The following MARCHF1 variants were observed in gnomAD, a reference collection of about 807,000 sequenced individuals.
MARCHF1 encodes the protein membrane associated ring-CH-type finger 1, also known as E3 ubiquitin-protein ligase MARCHF1.
MARCHF1 carries 40 observed loss-of-function variants against 54.2 expected under a neutral mutation model. The ratio of observed to expected loss-of-function variants is 0.74; its 90% CI spans 0.57 to 0.96. The LOEUF (loss-of-function observed/expected upper bound fraction) is 0.96, where lower values mean the gene tolerates loss of function less well. Among genes scored for constraint, MARCHF1 ranks in the 40% least tolerant of loss-of-function variants. The pLI, the probability that MARCHF1 is intolerant of heterozygous loss-of-function variation, is 0.00. For synonymous variants in MARCHF1, 236 were observed against 236.3 expected (o/e 1.00, Z 0.01); for missense variants, 586 against 656.5 (o/e 0.89, Z 1.17).
Position 164,189,503 on chromosome 4 carries a change from A to T in MARCHF1, c.-322-77841T>A, listed in dbSNP as rs1731066833. On this transcript the variant is annotated intron_variant, in intron 1 of 9. Coordinates refer to ENST00000514618, the MANE Select transcript of MARCHF1 (RefSeq NM_001394959.1). The stretch of plus-strand genomic sequence containing the variant: ...CCAAAGATTCAGCAACTGGTTAAAA[A>T]GTCCTTCAATGGCAAGGAGTCCTCC... 8.1e-6 allele frequency: 6 copies of T among 742,334 alleles called. No homozygotes were observed. The Admixed American group carries it at 1.2e-4, about 15-fold the overall frequency. The allele number at this position is 742,334 out of a possible 1,614,324, so 46.0% of individuals were successfully genotyped here.
chr4:163,652,839 C>A (rs529501076), intron 5 of MARCHF1, among the ~76,000 whole-genome samples: 74 of 151,846 alleles, frequency 4.9e-4, no homozygotes, highest in Non-Finnish European at 7.2e-4. Context: ...GCCTGAAGTC[C>A]AAATGTGTTA....
At chr4:163,779,161 G>A (rs1747390577) in intron 4 of MARCHF1, among the ~76,000 whole-genome samples, 1 of 152,064 alleles carries the variant, frequency 6.6e-6, no homozygotes, top group South Asian at 2.1e-4. Context: ...CTATGCTGGT[G>A]CTTTTTACTA....
chr4:163,861,708 A>G (rs569700180), intron 3 of MARCHF1, among the ~76,000 whole-genome samples: 7 of 152,198 alleles, frequency 4.6e-5, no homozygotes, highest in East Asian at 1.9e-4. Context: ...AAAGTATTTT[A>G]TAGATAGTGA....
At chr4:164,285,172 T>C (rs1219507103) in intron 1 of MARCHF1, among the ~76,000 whole-genome samples, 1 of 152,170 alleles carries the variant, frequency 6.6e-6, no homozygotes, top group Non-Finnish European at 1.5e-5. Flanking sequence ...TAATAAGACA[T>C]GTCACTGGAC....
At chr4:163,575,062 T>C (rs1355428031) in intron 8 of MARCHF1, among the ~76,000 whole-genome samples, 2 of 152,072 alleles carry the variant, frequency 1.3e-5, no homozygotes, top group Non-Finnish European at 2.9e-5. Flanking sequence ...CAGTACTATG[T>C]TGAATAGGAG....
At chr4:163,986,206 G>A (rs1443470072) in intron 3 of MARCHF1, among the ~76,000 whole-genome samples, 1 of 142,444 alleles carries the variant, frequency 7.0e-6, no homozygotes, top group African/African-American at 2.6e-5. Context: ...GAAATTATAC[G>A]AAGGCTCAGA....
chr4:163,977,701 GA>G (rs1208821155), intron 3 of MARCHF1, among the ~76,000 whole-genome samples: 1 of 152,168 alleles, frequency 6.6e-6, no homozygotes, highest in Non-Finnish European at 1.5e-5. Context: ...TGCAGTTGAA[GA>G]ACATTTTAAG....
At chr4:164,379,918 A>AG (rs781646053) in intron 1 of MARCHF1, among the ~76,000 whole-genome samples, 20 of 152,082 alleles carry the variant, frequency 1.3e-4, no homozygotes, top group African/African-American at 2.9e-4. Flanking sequence ...ACTGCATTCC[A>AG]CCTGGGTGAC....
chr4:164,199,681 CAGAGAGAGAGAG>C lies in MARCHF1; in HGVS notation c.-322-88031_-322-88020del, dbSNP rs70952609. Among the ~76,000 whole-genome samples the C allele has an allele frequency of 7.1e-3, 340 of 47,650 alleles. 1 individual carries two copies. The highest frequency in any genetic ancestry group is 0.027 in the African/African-American group (318 of 11,862). The allele number at this position is 47,650 out of a possible 152,430, so 31.3% of individuals were successfully genotyped here. On this transcript the variant is annotated intron_variant, in intron 1 of 9. Transcript: ENST00000514618. ...ACACACACACACACACACACACACA[CAGAGAGAGAGAG>C]AGAGAGAGAGAGAGAGAGAAGAGAG...
chr4:163,980,054 G>A (rs12171412), intron 3 of MARCHF1, among the ~76,000 whole-genome samples: 32,991 of 148,504 alleles, frequency 0.22, 3,973 homozygotes, highest in East Asian at 0.36. Flanking sequence ...AGCCCGCATC[G>A]CCAAGTCAAT....
intron 4 of MARCHF1, among the ~76,000 whole-genome samples, chr4:163,725,660 C>T (rs1220544863): frequency 6.6e-6 from 1 of 152,050 alleles, no homozygotes; most frequent in Non-Finnish European, 1.5e-5. Context: ...GGTTGTAAGA[C>T]AGTATAGAAC....
At chr4:163,695,553 G>C (rs1744601618) in intron 5 of MARCHF1, among the ~76,000 whole-genome samples, 1 of 152,110 alleles carries the variant, frequency 6.6e-6, no homozygotes, top group Non-Finnish European at 1.5e-5. Flanking sequence ...TGTAAATGAA[G>C]TCTAGTGAAT....
intron 4 of MARCHF1, among the ~76,000 whole-genome samples, chr4:163,750,513 AAAAT>A (rs34968782): frequency 0.023 from 3,360 of 143,012 alleles, 80 homozygotes; most frequent in African/African-American, 0.058. Flanking sequence ...TCTGTCTCAA[AAAAT>A]AAATAAATAA....
intron 2 of MARCHF1, among the ~76,000 whole-genome samples, chr4:163,991,243 T>C (rs1183967683): frequency 6.6e-6 from 1 of 152,184 alleles, no homozygotes; most frequent in South Asian, 2.1e-4. Context: ...AATCAGTCTG[T>C]TTAATAAATA....
chr4:164,119,328 G>C (rs1242058889), intron 1 of MARCHF1, among the ~76,000 whole-genome samples: 1 of 150,776 alleles, frequency 6.6e-6, no homozygotes, highest in East Asian at 1.9e-4. Context: ...AACTTAGACT[G>C]TCAGAATCTA....
chr4:163,880,860 T>G (rs1036770030), intron 3 of MARCHF1, among the ~76,000 whole-genome samples: 1 of 152,216 alleles, frequency 6.6e-6, no homozygotes, highest in Non-Finnish European at 1.5e-5. Flanking sequence ...ATTTAAAACT[T>G]AAATATTTGA....
intron 4 of MARCHF1, among the ~76,000 whole-genome samples, chr4:163,710,170 T>A (rs1184110233): frequency 6.6e-6 from 1 of 152,134 alleles, no homozygotes; most frequent in South Asian, 2.1e-4. Flanking sequence ...GGTACTTCTA[T>A]ACACCCCTTA....
intron 1 of MARCHF1, among the ~76,000 whole-genome samples, chr4:164,273,415 G>C (rs1733792436): frequency 6.6e-6 from 1 of 152,054 alleles, no homozygotes; most frequent in Non-Finnish European, 1.5e-5. Flanking sequence ...GATTATGGGG[G>C]CTATGGGGAT....
At chr4:163,849,415 C>G (rs551347152) in intron 4 of MARCHF1, among the ~76,000 whole-genome samples, 1 of 152,232 alleles carries the variant, frequency 6.6e-6, no homozygotes, top group African/African-American at 2.4e-5. Flanking sequence ...AAAGCCTCAA[C>G]TGATATGGGT....
Sources: gnomAD v4.1 joint callset for allele counts (sites outside exome capture counted in the v4.1 genomes callset) on GRCh38, gnomAD v4.1.1 for gene constraint, MANE v1.5 for transcripts, NCBI Gene and HGNC (gene_info 2026-07-23, HGNC 2026-07-21) for gene names.